Variants in DCT observed in about 807,000 individuals in gnomAD.
DCT encodes the protein dopachrome tautomerase, also known as L-dopachrome tautomerase.
Under a neutral mutation model 53.0 loss-of-function variants are expected in DCT, and 47 were observed. That is an observed-to-expected ratio of 0.89 (90% CI 0.70 to 1.13). The LOEUF is 1.13. DCT is among the 50% of genes most tolerant of loss of function. The pLI is 0.00. For synonymous variants in DCT, 244 were observed against 237.0 expected (o/e 1.03, Z -0.27); for missense variants, 669 against 637.4 (o/e 1.05, Z -0.53).
the DCT span, among the ~76,000 whole-genome samples, chr13:94,506,313 T>C: frequency 6.6e-6 from 1 of 152,224 alleles, no homozygotes; most frequent in East Asian, 1.9e-4. Context: ...GATTCCAGGG[T>C]TGGGGCAGAA....
At chr13:94,504,113 A>G in the DCT span, among the ~76,000 whole-genome samples, 1 of 152,244 alleles carries the variant, frequency 6.6e-6, no homozygotes, top group East Asian at 1.9e-4. Flanking sequence ...GATGCTGCTG[A>G]AAAGTGGTGC....
intron 5 of DCT, among the ~76,000 whole-genome samples, chr13:94,460,826 T>A (rs1241069364): frequency 2.0e-5 from 3 of 152,186 alleles, no homozygotes; most frequent in Admixed American, 1.3e-4. Flanking sequence ...ATGAGAAATA[T>A]GTTTATAAAT....
chr13:94,538,337 A>G, the DCT span, among the ~76,000 whole-genome samples: 1 of 152,210 alleles, frequency 6.6e-6, no homozygotes, highest in African/African-American at 2.4e-5. Context: ...GGAGACTGAA[A>G]CAAAGAAGAG....
rs1448812698 is a variant in DCT at position 94,437,381 on chromosome 13, T to A, written c.*2517A>T. 1 of 152,200 alleles carries A rather than the reference T, an allele frequency of 6.6e-6. No individual in the cohort carries two copies. 9.4% of individuals were successfully genotyped at this position (152,200 alleles called of 1,614,324 possible). A position where few individuals can be genotyped will look rare whatever the true frequency, so the allele number is the denominator to read the frequency against. On this transcript the variant is annotated 3_prime_UTR_variant, in exon 8 of 8. Coordinates refer to ENST00000377028, the MANE Select transcript of DCT (RefSeq NM_001922.5). Reference sequence around the variant, plus strand: ...TTCTTAATAATGAGATTAAAACTAGTCATTAAAAGTATTATAATTAACAAT... The same window carrying A: ...TTCTTAATAATGAGATTAAAACTAGACATTAAAAGTATTATAATTAACAAT...
At chr13:94,483,904 C>T (rs1372294083), upstream of DCT, among the ~76,000 whole-genome samples, 1 of 152,164 alleles carries the variant, frequency 6.6e-6, no homozygotes, top group East Asian at 1.9e-4. Flanking sequence ...TAACTTAATT[C>T]AATGTTCCTG....
the DCT span, among the ~76,000 whole-genome samples, chr13:94,545,430 T>C: frequency 6.6e-6 from 1 of 152,166 alleles, no homozygotes; most frequent in African/African-American, 2.4e-5. Context: ...ATAACTTTTA[T>C]AATAATTAAT....
chr13:94,505,389 G>C, the DCT span, among the ~76,000 whole-genome samples: 3 of 152,156 alleles, frequency 2.0e-5, no homozygotes, highest in East Asian at 5.8e-4. Context: ...CTACTGCCAA[G>C]TGCAGGCTAT....
chr13:94,449,786 T>C (rs1407108633), intron 6 of DCT, among the ~76,000 whole-genome samples: 2 of 152,226 alleles, frequency 1.3e-5, no homozygotes, highest in African/African-American at 2.4e-5. Context: ...ACAAATGTAA[T>C]TGGGATGCTG....
At chr13:94,545,093 C>A in the DCT span, among the ~76,000 whole-genome samples, 7 of 152,066 alleles carry the variant, frequency 4.6e-5, no homozygotes, top group Non-Finnish European at 1.0e-4. Flanking sequence ...CAGTGGGGTT[C>A]CCAGGAGATA....
intron 1 of DCT, among the ~76,000 whole-genome samples, chr13:94,478,734 C>T (rs1469526538): frequency 1.3e-5 from 2 of 152,258 alleles, no homozygotes; most frequent in Admixed American, 6.5e-5. Context: ...TATAAGCAGG[C>T]TTGGCCCACG....
At chr13:94,527,070 G>A in the DCT span, among the ~76,000 whole-genome samples, 6 of 152,184 alleles carry the variant, frequency 3.9e-5, no homozygotes, top group Non-Finnish European at 8.8e-5. Flanking sequence ...GACTGGGGAG[G>A]GGCGTCTGCC....
rs750637872 is a variant in DCT at position 94,462,186 on chromosome 13, C to T, written c.867G>A (p.Leu289=). Residue 289 remains leucine, a synonymous_variant, in exon 5 of 8, where the codon TTG becomes TTA. Transcript: ENST00000377028. ...FSSWETVCDS[L]DDYNHLVTLC... is the part of the protein sequence containing the mutation. ...AGGTGACCAGGTGGTTGTAGTCATCCAAGCTAAGATTTGTAATAAGATTTA... is the reference window on the plus strand; with the variant it reads ...AGGTGACCAGGTGGTTGTAGTCATCTAAGCTAAGATTTGTAATAAGATTTA... The T allele has an allele frequency of 1.9e-6, 3 of 1,609,816 alleles. No homozygotes were observed. The highest frequency in any genetic ancestry group is 1.7e-6 in the Non-Finnish European group (2 of 1,176,458).
chr13:94,469,079 G>C (rs1281993482), intron 1 of DCT, 34 bp from the exon 2 acceptor site: 7 of 1,560,892 alleles, frequency 4.5e-6, no homozygotes, highest in South Asian at 1.1e-5. Flanking sequence ...GAAAGGAAGG[G>C]GGTTTATGTC....
At chr13:94,454,850 G>A (rs1883307840) in intron 6 of DCT, among the ~76,000 whole-genome samples, 1 of 152,134 alleles carries the variant, frequency 6.6e-6, no homozygotes, top group Non-Finnish European at 1.5e-5. Flanking sequence ...GGTGAGTTCT[G>A]GAACTAGGCC....
the DCT span, among the ~76,000 whole-genome samples, chr13:94,526,183 T>C: frequency 6.6e-6 from 1 of 152,230 alleles, no homozygotes; most frequent in South Asian, 2.1e-4. Flanking sequence ...CAGCACTCAC[T>C]GTATGCCCAC....
At chr13:94,464,647 AAAAAAAC>A (rs918338541) in intron 4 of DCT, among the ~76,000 whole-genome samples, 17 of 152,036 alleles carry the variant, frequency 1.1e-4, no homozygotes, top group East Asian at 7.7e-4. Flanking sequence ...TCAAAAAAAC[AAAAAAAC>A]AAAAAACAAA....
At chr13:94,509,065 T>A in the DCT span, among the ~76,000 whole-genome samples, 1 of 152,182 alleles carries the variant, frequency 6.6e-6, no homozygotes, top group African/African-American at 2.4e-5. Flanking sequence ...CCCTCCTCCA[T>A]GGTGTCTTAG....
chr13:94,496,809 A>G, the DCT span, among the ~76,000 whole-genome samples: 1 of 152,162 alleles, frequency 6.6e-6, no homozygotes, highest in Non-Finnish European at 1.5e-5. Flanking sequence ...AGCACCATGG[A>G]TATTCGGCTT....
intron 6 of DCT, among the ~76,000 whole-genome samples, chr13:94,449,776 A>G (rs58871731): frequency 0.027 from 4,155 of 152,282 alleles, 154 homozygotes; most frequent in African/African-American, 0.092. Flanking sequence ...AGATTTGAAA[A>G]CAAATGTAAT....
Sources: allele counts gnomAD v4.1 joint callset (sites outside exome capture counted in the v4.1 genomes callset), GRCh38; gene constraint gnomAD v4.1.1; transcripts MANE v1.5; gene names NCBI Gene and HGNC (gene_info 2026-07-23, HGNC 2026-07-21).